The following INSL6 variants were observed in gnomAD, a reference collection of about 807,000 sequenced individuals.
INSL6 encodes the protein insulin-like peptide INSL6.
Under a neutral mutation model 9.4 loss-of-function variants are expected in INSL6, and 16 were observed. That is an observed-to-expected ratio of 1.70 (90% CI 1.15 to 2.59). The LOEUF is 2.59. Among genes scored for constraint, INSL6 ranks in the 30% most tolerant of loss-of-function variants. INSL6 has a pLI of 0.00. For synonymous variants in INSL6, 154 were observed against 96.9 expected (o/e 1.59, Z -3.46); for missense variants, 391 against 257.3 (o/e 1.52, Z -3.56).
At chr9:4,998,724 C>G in the INSL6 span, among the ~76,000 whole-genome samples, 1 of 147,228 alleles carries the variant, frequency 6.8e-6, no homozygotes, top group South Asian at 2.2e-4. Flanking sequence ...TCTCCTAAGA[C>G]CAAAAACCAC....
intron 1 of INSL6, among the ~76,000 whole-genome samples, chr9:5,173,702 C>T (rs972239673): frequency 6.6e-6 from 1 of 151,958 alleles, no homozygotes; most frequent in East Asian, 1.9e-4. Context: ...CACAGCAAAC[C>T]ACCATGGCAC....
At chr9:5,022,303 T>G in the INSL6 span, 1 of 766,260 alleles carries the variant, frequency 1.3e-6, no homozygotes, top group Non-Finnish European at 2.0e-6. Flanking sequence ...AATATATATT[T>G]TTATTTTTTT....
downstream of INSL6, chr9:5,122,922 A>C: frequency 1.2e-6 from 1 of 809,750 alleles, no homozygotes; most frequent in Non-Finnish European, 1.9e-6. Flanking sequence ...TTTTTTTTTT[A>C]ATTTATACAA....
At chr9:5,046,917 C>A in the INSL6 span, among the ~76,000 whole-genome samples, 1 of 152,100 alleles carries the variant, frequency 6.6e-6, no homozygotes, top group Non-Finnish European at 1.5e-5. Context: ...CCAAGTTTTC[C>A]CAAACTATTC....
intron 2 of INSL6, among the ~76,000 whole-genome samples, chr9:5,136,515 A>T (rs1390662919): frequency 6.6e-6 from 1 of 152,232 alleles, no homozygotes. Context: ...AACAATGAGA[A>T]AAACAACATG....
At chr9:5,028,238 T>C in the INSL6 span, among the ~76,000 whole-genome samples, 6 of 152,238 alleles carry the variant, frequency 3.9e-5, no homozygotes, top group Admixed American at 3.3e-4. Flanking sequence ...TCAATGTACA[T>C]CTTCATCAGA....
At chr9:5,059,553 C>T in the INSL6 span, among the ~76,000 whole-genome samples, 1 of 152,048 alleles carries the variant, frequency 6.6e-6, no homozygotes, top group African/African-American at 2.4e-5. Flanking sequence ...TGGACTTATG[C>T]ACTCTTTTTT....
chr9:5,005,847 A>G, the INSL6 span, among the ~76,000 whole-genome samples: 1 of 152,112 alleles, frequency 6.6e-6, no homozygotes, highest in Non-Finnish European at 1.5e-5. Context: ...TGTTCCATTG[A>G]TCTATATCTC....
chr9:5,161,881 G>A (rs994344072), downstream of INSL6, among the ~76,000 whole-genome samples: 3 of 151,960 alleles, frequency 2.0e-5, no homozygotes, highest in African/African-American at 7.2e-5. Context: ...GGAGCCCGGA[G>A]ACCAGCCTGG....
At chr9:5,151,555 A>T (rs972430297) in intron 2 of INSL6, among the ~76,000 whole-genome samples, 11 of 152,180 alleles carry the variant, frequency 7.2e-5, no homozygotes, top group African/African-American at 2.7e-4. Flanking sequence ...TAAAGGTCTT[A>T]AACTGCCTGT....
At chr9:5,130,017 T>C (rs1376894956) in intron 3 of INSL6, among the ~76,000 whole-genome samples, 2 of 152,190 alleles carry the variant, frequency 1.3e-5, no homozygotes, top group African/African-American at 4.8e-5. Context: ...TGTTTCATTC[T>C]TTTTTATAGT....
At chr9:5,103,608 C>A in the INSL6 span, among the ~76,000 whole-genome samples, 1 of 152,174 alleles carries the variant, frequency 6.6e-6, no homozygotes, top group African/African-American at 2.4e-5. Flanking sequence ...CCCAAATCAA[C>A]AGAATATACA....
At chr9:5,022,188 C>A in the INSL6 span, 2 of 1,613,768 alleles carry the variant, frequency 1.2e-6, no homozygotes, top group Admixed American at 1.7e-5. Flanking sequence ...CAGAAGAAAT[C>A]TGTATTGCTG....
the INSL6 span, among the ~76,000 whole-genome samples, chr9:5,060,108 T>A: frequency 1.3e-5 from 2 of 152,228 alleles, no homozygotes; most frequent in Non-Finnish European, 2.9e-5. Flanking sequence ...CTACTAAGTG[T>A]GCAACAGCAT....
chr9:5,122,118 T>C (rs1412603268), downstream of INSL6, among the ~76,000 whole-genome samples: 1 of 152,170 alleles, frequency 6.6e-6, no homozygotes, highest in Non-Finnish European at 1.5e-5. Context: ...GGGAAGGATT[T>C]GTGGAGATTA....
the INSL6 span, among the ~76,000 whole-genome samples, chr9:4,992,964 C>G: frequency 8.1e-3 from 1,237 of 152,256 alleles, 18 homozygotes; most frequent in African/African-American, 0.028. Context: ...TCTCCCCCAC[C>G]CCTGCACCCA....
the INSL6 span, among the ~76,000 whole-genome samples, chr9:4,997,085 G>T: frequency 6.6e-6 from 1 of 151,606 alleles, no homozygotes; most frequent in Non-Finnish European, 1.5e-5. Context: ...AGTGCCACTA[G>T]GCCTGGCTAA....
At chr9:5,181,175 T>G (rs1380308559) in intron 1 of INSL6, among the ~76,000 whole-genome samples, 1 of 152,080 alleles carries the variant, frequency 6.6e-6, no homozygotes, top group African/African-American at 2.4e-5. Flanking sequence ...AAAAAAGAAA[T>G]TCAATAAGCA....
chr9:5,072,661 T>C, the INSL6 span: 1 of 1,509,570 alleles, frequency 6.6e-7, no homozygotes, highest in South Asian at 1.3e-5. Context: ...ATGTAGTTTA[T>C]GCTGTTTAAA....
Sources: allele counts gnomAD v4.1 joint callset (sites outside exome capture counted in the v4.1 genomes callset), GRCh38; gene constraint gnomAD v4.1.1; transcripts MANE v1.5; gene names NCBI Gene and HGNC (gene_info 2026-07-23, HGNC 2026-07-21).